The following ATRNL1 variants were observed in gnomAD, a reference collection of about 807,000 sequenced individuals.
The protein encoded by ATRNL1 is attractin like 1, also known as attractin-like protein 1.
Under a neutral mutation model 182.7 loss-of-function variants are expected in ATRNL1, and 95 were observed. The observed-to-expected ratio is 0.52, with a 90% confidence interval of 0.44 to 0.62. ATRNL1 has a LOEUF of 0.62. Among genes scored for constraint, ATRNL1 ranks in the 20% least tolerant of loss-of-function variants. The pLI is 0.00. For synonymous variants in ATRNL1, 576 were observed against 568.3 expected (o/e 1.01, Z -0.19); for missense variants, 1,471 against 1,679.5 (o/e 0.88, Z 2.17).
intron 27 of ATRNL1, among the ~76,000 whole-genome samples, chr10:115,781,466 G>C (rs530176469): frequency 6.6e-6 from 1 of 152,206 alleles, no homozygotes; most frequent in Non-Finnish European, 1.5e-5. Context: ...ATACATTTTA[G>C]TATAGTCACA....
intron 26 of ATRNL1, among the ~76,000 whole-genome samples, chr10:115,705,831 G>A (rs1173797483): frequency 6.6e-6 from 1 of 151,796 alleles, no homozygotes; most frequent in African/African-American, 2.4e-5. Flanking sequence ...CGTTGTGTTT[G>A]GTTTCTTTCT....
chr10:115,326,001 C>A (rs1329788188), intron 18 of ATRNL1, among the ~76,000 whole-genome samples: 1 of 151,810 alleles, frequency 6.6e-6, no homozygotes, highest in South Asian at 2.1e-4. Context: ...ATGTAGTGGG[C>A]ACTCAATAAA....
At chr10:115,479,712 G>A (rs1848679349) in intron 24 of ATRNL1, among the ~76,000 whole-genome samples, 1 of 151,408 alleles carries the variant, frequency 6.6e-6, no homozygotes, top group Admixed American at 6.6e-5. Flanking sequence ...TCATTTGCAT[G>A]TTTGTAATAT....
At chr10:115,533,533 T>C (rs1276811294) in intron 25 of ATRNL1, among the ~76,000 whole-genome samples, 1 of 152,168 alleles carries the variant, frequency 6.6e-6, no homozygotes, top group African/African-American at 2.4e-5. Flanking sequence ...ATCAATTTTG[T>C]TGATCCTTTC....
chr10:115,433,425 C>A (rs1480048123), intron 21 of ATRNL1, among the ~76,000 whole-genome samples: 2 of 152,042 alleles, frequency 1.3e-5, no homozygotes, highest in African/African-American at 4.8e-5. Context: ...CTATAAATTG[C>A]TATTTAAGTA....
intron 9 of ATRNL1, among the ~76,000 whole-genome samples, chr10:115,219,128 G>A (rs577703953): frequency 4.6e-5 from 7 of 151,790 alleles, no homozygotes; most frequent in African/African-American, 1.7e-4. Flanking sequence ...CCAGGTACTC[G>A]GGAGGCTGAG....
At chr10:115,494,847 G>A (rs1017983522) in intron 24 of ATRNL1, among the ~76,000 whole-genome samples, 1 of 152,186 alleles carries the variant, frequency 6.6e-6, no homozygotes, top group South Asian at 2.1e-4. Context: ...GAATGACACT[G>A]GCCTTGTAGA....
At chr10:115,340,287 TA>T (rs1318499567) in intron 19 of ATRNL1, among the ~76,000 whole-genome samples, 2 of 151,824 alleles carry the variant, frequency 1.3e-5, no homozygotes, top group Non-Finnish European at 2.9e-5. Flanking sequence ...GGACTGCAGG[TA>T]TGTGCCAACA....
Position 115,300,069 on chromosome 10 carries a change from T to C in ATRNL1, c.2451T>C (p.Asn817=), listed in dbSNP as rs1554923938. The part of the protein sequence containing the change: ...VSPWVGLRKI[N]ISYWGWEDMS... ...CTTGGGTAGGCTTGCGCAAGATCAA[T>C]ATATCCTATTGGGGATGGGAAGACA... Residue 817 remains asparagine (N), a synonymous_variant, in exon 16 of 29, where the codon AAT becomes AAC. Transcript: ENST00000355044. 4 of 1,613,988 alleles carry C rather than the reference T, an allele frequency of 2.5e-6. No individual in the cohort carries two copies. The highest frequency in any genetic ancestry group is 8.5e-7 in the Non-Finnish European group (1 of 1,179,850).
chr10:115,533,449 T>C (rs1554989126), intron 25 of ATRNL1, among the ~76,000 whole-genome samples: 3 of 151,702 alleles, frequency 2.0e-5, no homozygotes, highest in African/African-American at 4.8e-5. Flanking sequence ...AGTGGTGATA[T>C]CTCCTTTATC....
chr10:115,465,131 A>ATT (rs1847993077), intron 22 of ATRNL1, among the ~76,000 whole-genome samples: 1 of 151,716 alleles, frequency 6.6e-6, no homozygotes, highest in African/African-American at 2.4e-5. Context: ...ATCAGTCTGT[A>ATT]CATTAAAGAC....
chr10:115,827,667 T>C (rs1333863328), intron 27 of ATRNL1, among the ~76,000 whole-genome samples: 1 of 152,022 alleles, frequency 6.6e-6, no homozygotes, highest in Admixed American at 6.6e-5. Context: ...GGGATAGATA[T>C]GAAATTTAGA....
At chr10:115,119,290 T>A (rs1325674569) in intron 1 of ATRNL1, among the ~76,000 whole-genome samples, 1 of 152,114 alleles carries the variant, frequency 6.6e-6, no homozygotes, top group East Asian at 1.9e-4. Context: ...GGCTCTATAC[T>A]ATAAGGAAAA....
chr10:115,232,705 A>ATG (rs1850008543), intron 9 of ATRNL1, among the ~76,000 whole-genome samples: 1 of 150,772 alleles, frequency 6.6e-6, no homozygotes, highest in Non-Finnish European at 1.5e-5. Context: ...GTGTGTGTGT[A>ATG]TGTGTGTGTG....
chr10:115,764,576 A>G (rs1335602665), intron 27 of ATRNL1, among the ~76,000 whole-genome samples: 4 of 152,202 alleles, frequency 2.6e-5, no homozygotes, highest in African/African-American at 9.7e-5. Flanking sequence ...ATACATTTCT[A>G]TGATTATTGT....
intron 17 of ATRNL1, among the ~76,000 whole-genome samples, chr10:115,310,365 A>C (rs1409954467): frequency 6.6e-6 from 1 of 152,058 alleles, no homozygotes; most frequent in Non-Finnish European, 1.5e-5. Context: ...ATGAGTTAGG[A>C]AAAATTTCCT....
intron 28 of ATRNL1, among the ~76,000 whole-genome samples, chr10:115,874,184 G>C (rs1159853472): frequency 6.6e-6 from 1 of 152,130 alleles, no homozygotes; most frequent in Non-Finnish European, 1.5e-5. Context: ...GACGTCTTCT[G>C]CCACAACTGG....
chr10:115,118,876 G>A (rs1451373396), intron 1 of ATRNL1, among the ~76,000 whole-genome samples: 1 of 152,096 alleles, frequency 6.6e-6, no homozygotes, highest in Non-Finnish European at 1.5e-5. Context: ...CTTCAGTGGA[G>A]AGTTTTTCTG....
intron 26 of ATRNL1, 152 bp from the exon 27 acceptor site, chr10:115,727,096 T>G: frequency 1.6e-6 from 1 of 607,658 alleles, no homozygotes; most frequent in Admixed American, 2.8e-5. Context: ...GGGGAGAAAG[T>G]AATTTTCATC....
Sources: gnomAD v4.1 joint callset for allele counts (sites outside exome capture counted in the v4.1 genomes callset) on GRCh38, gnomAD v4.1.1 for gene constraint, MANE v1.5 for transcripts, NCBI Gene and HGNC (gene_info 2026-07-23, HGNC 2026-07-21) for gene names.